Variants in EIF4G3 observed in about 807,000 individuals in gnomAD.
EIF4G3 encodes the protein eIF-4-gamma 3.
A neutral mutation model predicts 186.4 loss-of-function variants in EIF4G3; 34 were observed. The observed-to-expected ratio is 0.18, with a 90% confidence interval of 0.14 to 0.24. The LOEUF (loss-of-function observed/expected upper bound fraction) is 0.24, where lower values mean the gene tolerates loss of function less well. Among genes scored for constraint, EIF4G3 ranks in the 10% least tolerant of loss-of-function variants. EIF4G3 has a pLI of 1.00. For missense variants in EIF4G3, 1,536 were observed against 1,948.5 expected, an observed-to-expected ratio of 0.79 and a Z score of 3.99; for synonymous variants, 673 against 679.5, an observed-to-expected ratio of 0.99 and a Z score of 0.15.
At chr1:20,872,667 C>A (rs1220918584) in intron 20 of EIF4G3, among the ~76,000 whole-genome samples, 1 of 150,996 alleles carries the variant, frequency 6.6e-6, no homozygotes, top group African/African-American at 2.4e-5. Flanking sequence ...AACCCCTTGT[C>A]TCCAAAGTTA....
rs531761141 is a variant in EIF4G3, at chr1:21,080,145, C to T, written c.-196+8993G>A. ...CAGCCTCGGTGACAGAGTAAGACTCCAACTAAAAAAAAAAAAAAAATTAGC... is the reference window on the plus strand; with the variant it reads ...CAGCCTCGGTGACAGAGTAAGACTCTAACTAAAAAAAAAAAAAAAATTAGC... On this transcript the variant is annotated intron_variant, in intron 3 of 36. Coordinates refer to ENST00000602326, the MANE Select transcript of EIF4G3 (RefSeq NM_001391906.1). Among the ~76,000 whole-genome samples, 243 of 147,416 alleles carry T rather than the reference C, an allele frequency of 1.6e-3. 1 individual carries two copies. The highest frequency in any genetic ancestry group is 5.7e-3 in the African/African-American group (229 of 39,894).
Position 20,840,951 on chromosome 1 carries a change from G to A in EIF4G3, c.3966C>T (p.Thr1322=). 1 of 1,613,964 alleles carries A rather than the reference G, an allele frequency of 6.2e-7. No individual in the cohort carries two copies. Among genetic ancestry groups the A allele is most frequent in the Non-Finnish European group, 8.5e-7 (1 of 1,179,996 alleles). Reference sequence around the variant, plus strand: ...CCCTGGTGATCTGGCTCCTTTCCAGGGTGGACTCCACTCCCACTCTCACAA... The same window carrying A: ...CCCTGGTGATCTGGCTCCTTTCCAGAGTGGACTCCACTCCCACTCTCACAA... ...HVFVRVGVES[T]LERSQITRDH... Residue 1322 remains threonine (T), a synonymous_variant, in exon 30 of 37, where the codon ACC becomes ACT. Coordinates refer to ENST00000602326, the MANE Select transcript of EIF4G3 (RefSeq NM_001391906.1).
chr1:20,867,359 G>GTGAGTTACCTCACTGAA (rs1373383566), intron 20 of EIF4G3, among the ~76,000 whole-genome samples: 2 of 152,102 alleles, frequency 1.3e-5, no homozygotes, highest in East Asian at 3.9e-4. Flanking sequence ...CTGAACCTCA[G>GTGAGTTACCTCACTGAA]CCCCTACACC....
At chr1:20,825,044 C>A (rs1007265394) in intron 33 of EIF4G3, 56 bp downstream of exon 33, 1 of 1,143,660 alleles carries the variant, frequency 8.7e-7, no homozygotes, top group South Asian at 1.5e-5. Flanking sequence ...ACCTTCACTT[C>A]CTCTATGAAA....
At chr1:20,868,975 T>C (rs2078346301) in intron 20 of EIF4G3, among the ~76,000 whole-genome samples, 1 of 152,178 alleles carries the variant, frequency 6.6e-6, no homozygotes, top group African/African-American at 2.4e-5. Flanking sequence ...TGCTGACATA[T>C]TTGTTAGTAT....
chr1:20,941,424 A>C, intron 14 of EIF4G3, 67 bp downstream of exon 14: 1 of 1,610,222 alleles, frequency 6.2e-7, no homozygotes, highest in South Asian at 1.1e-5. Context: ...AGCCAATTAA[A>C]AAATAACTCA....
chr1:21,121,774 CAAA>C (rs35864256), intron 2 of EIF4G3, among the ~76,000 whole-genome samples: 2 of 85,750 alleles, frequency 2.3e-5, no homozygotes, highest in African/African-American at 4.4e-5. Flanking sequence ...GACTCCGTCT[CAAA>C]AAAAAAAAAA....
At chr1:20,897,933 AAAAT>A (rs1278792435) in intron 16 of EIF4G3, among the ~76,000 whole-genome samples, 1 of 151,908 alleles carries the variant, frequency 6.6e-6, no homozygotes, top group African/African-American at 2.4e-5. Context: ...ATTAAAACAT[AAAAT>A]AAATTAATAT....
chr1:21,050,784 C>T (rs2094164486), intron 4 of EIF4G3, 82 bp downstream of exon 4: 2 of 648,930 alleles, frequency 3.1e-6, no homozygotes, highest in Non-Finnish European at 2.7e-6. Context: ...TTTTATGTTA[C>T]TGCTTAGGAG....
At chr1:20,866,068 C>CAGCT (rs756033159) in intron 20 of EIF4G3, among the ~76,000 whole-genome samples, 3 of 152,136 alleles carry the variant, frequency 2.0e-5, no homozygotes, top group Admixed American at 6.5e-5. Flanking sequence ...CCATTTTGAA[C>CAGCT]AGCTATTTCA....
intron 2 of EIF4G3, among the ~76,000 whole-genome samples, chr1:21,108,244 T>C (rs557019724): frequency 6.6e-6 from 1 of 152,306 alleles, no homozygotes; most frequent in East Asian, 1.9e-4. Context: ...TTAGGTAATA[T>C]CCATGAGGAA....
chr1:20,948,205 T>C (rs1450105356), intron 13 of EIF4G3, among the ~76,000 whole-genome samples: 1 of 152,244 alleles, frequency 6.6e-6, no homozygotes, highest in Non-Finnish European at 1.5e-5. Context: ...CTGAGAATTA[T>C]TCTCCACTAA....
At chr1:21,172,399 C>G (rs1006566548) in intron 2 of EIF4G3, among the ~76,000 whole-genome samples, 9 of 152,196 alleles carry the variant, frequency 5.9e-5, no homozygotes, top group Non-Finnish European at 1.3e-4. Flanking sequence ...GGACCAAGTT[C>G]TTTGAGGGCA....
intron 20 of EIF4G3, among the ~76,000 whole-genome samples, chr1:20,867,878 A>G (rs1349823792): frequency 1.3e-5 from 2 of 152,188 alleles, no homozygotes; most frequent in African/African-American, 2.4e-5. Context: ...ATATATTCAC[A>G]TGGAAGTATT....
At chr1:20,992,747 T>C (rs1202918768) in intron 7 of EIF4G3, among the ~76,000 whole-genome samples, 2 of 152,230 alleles carry the variant, frequency 1.3e-5, no homozygotes, top group African/African-American at 4.8e-5. Flanking sequence ...ATGAAAAGAC[T>C]ACTTAGTCAT....
rs2081668227 is a variant in EIF4G3 at position 20,879,311 on chromosome 1, C to T, written c.2622+12G>A. On this transcript the variant is annotated intron_variant, in intron 20 of 36. Transcript: ENST00000602326. ...TGAAGATTTCTCGTTTTACTCCTTC[C>T]TCTCTTCTTACCGTTACTAGACATC... 1 of 1,567,484 alleles carries T rather than the reference C, an allele frequency of 6.4e-7. No homozygotes were observed.
chr1:20,872,985 C>T (rs1318663814), intron 20 of EIF4G3, among the ~76,000 whole-genome samples: 1 of 152,206 alleles, frequency 6.6e-6, no homozygotes, highest in African/African-American at 2.4e-5. Context: ...AATCCGCCTG[C>T]CCTGGCCTCC....
intron 14 of EIF4G3, among the ~76,000 whole-genome samples, chr1:20,924,600 C>A (rs185523517): frequency 1.3e-5 from 2 of 152,154 alleles, no homozygotes; most frequent in African/African-American, 4.8e-5. Context: ...TCACTCTGGT[C>A]GCCCAGGCTG....
Position 20,808,525 on chromosome 1 carries a change from C to T in EIF4G3, c.4745-1025G>A, listed in dbSNP as rs187556143. On this transcript the variant is annotated intron_variant, in intron 36 of 36. Transcript: ENST00000602326. ...TGAAACCCCGTCTCTACTAAACATA[C>T]AAAAAATTAGCCGGGCATGGTGGCG... Among the ~76,000 whole-genome samples the T allele has an allele frequency of 7.2e-5, 11 of 151,932 alleles. No individual in the cohort carries two copies. The East Asian group carries it at 2.2e-3, about 30-fold the overall frequency.
Sources: allele counts gnomAD v4.1 joint callset (sites outside exome capture counted in the v4.1 genomes callset), GRCh38; gene constraint gnomAD v4.1.1; transcripts MANE v1.5; gene names NCBI Gene and HGNC (gene_info 2026-07-23, HGNC 2026-07-21).